The following DPP10 variants were observed in gnomAD, a reference collection of about 807,000 sequenced individuals.
DPP10 encodes inactive dipeptidyl peptidase 10.
A neutral mutation model predicts 120.9 loss-of-function variants in DPP10; 33 were observed. That is an observed-to-expected ratio of 0.27 (90% confidence interval 0.21 to 0.37). The LOEUF is 0.37. Among genes scored for constraint, DPP10 ranks in the 10% least tolerant of loss-of-function variants. The pLI, the probability that DPP10 is intolerant of heterozygous loss-of-function variation, is 1.00. For synonymous variants in DPP10, 337 were observed against 326.1 expected (o/e 1.03, Z -0.36); for missense variants, 816 against 942.8 (o/e 0.87, Z 1.76).
intron 1 of DPP10, among the ~76,000 whole-genome samples, chr2:114,508,191 C>T (rs766961904): frequency 1.1e-4 from 17 of 152,150 alleles, no homozygotes; most frequent in Non-Finnish European, 2.1e-4. Context: ...AACGTCCTTA[C>T]ACTGAAGCTA....
intron 1 of DPP10, among the ~76,000 whole-genome samples, chr2:114,986,920 C>CA (rs1414330100): frequency 1.3e-5 from 2 of 152,008 alleles, no homozygotes; most frequent in African/African-American, 4.8e-5. Flanking sequence ...TACAGGCACA[C>CA]ACCACCATGA....
At chr2:115,068,100 T>C (rs1288224058) in intron 1 of DPP10, among the ~76,000 whole-genome samples, 1 of 152,106 alleles carries the variant, frequency 6.6e-6, no homozygotes. Flanking sequence ...TTGGGATTGC[T>C]GGATTATATG....
At chr2:115,512,230 A>G (rs975832320) in intron 4 of DPP10, among the ~76,000 whole-genome samples, 13 of 151,972 alleles carry the variant, frequency 8.6e-5, no homozygotes, top group African/African-American at 3.1e-4. Context: ...CCTCCTGAGA[A>G]GCTGGGACTT....
At chr2:114,602,773 A>G (rs1039699717) in intron 1 of DPP10, among the ~76,000 whole-genome samples, 5 of 152,052 alleles carry the variant, frequency 3.3e-5, no homozygotes, top group South Asian at 2.1e-4. Flanking sequence ...ATAAGTCCCT[A>G]TGTGCCTGGG....
chr2:114,961,884 G>T (rs1698666196), intron 1 of DPP10, among the ~76,000 whole-genome samples: 1 of 152,070 alleles, frequency 6.6e-6, no homozygotes, highest in Non-Finnish European at 1.5e-5. Flanking sequence ...AACCCGGGAA[G>T]CAAAGGTTGC....
rs187861913 is a variant in DPP10 at position 115,557,065 on chromosome 2, C to T, written c.441+31093C>T. Among the ~76,000 whole-genome samples, 481 of 152,192 alleles carry T rather than the reference C, an allele frequency of 3.2e-3. 3 individuals are homozygous for T. The highest frequency in any genetic ancestry group is 0.011 in the African/African-American group (457 of 41,522). ...AATGAAATACAATAGTTTTGCATTG[C>T]GACTTAGAGGTACCCCATGTATTCC... On this transcript the variant is annotated intron_variant, in intron 5 of 25. Coordinates refer to ENST00000410059, the MANE Select transcript of DPP10 (RefSeq NM_020868.6).
intron 1 of DPP10, among the ~76,000 whole-genome samples, chr2:114,802,601 A>C (rs961991409): frequency 3.9e-5 from 6 of 152,208 alleles, no homozygotes; most frequent in African/African-American, 1.2e-4. Context: ...TCAATAATGA[A>C]AACGGACTGC....
chr2:115,492,108 A>G (rs2105353430), intron 3 of DPP10, among the ~76,000 whole-genome samples: 1 of 152,262 alleles, frequency 6.6e-6, no homozygotes, highest in African/African-American at 2.4e-5. Context: ...TATATGATCG[A>G]TGTGGTCAAA....
At chr2:114,467,737 C>T (rs1281222746) in intron 1 of DPP10, among the ~76,000 whole-genome samples, 3 of 152,250 alleles carry the variant, frequency 2.0e-5, no homozygotes, top group East Asian at 1.9e-4. Flanking sequence ...CGGCGGCTCA[C>T]GCTTGTAATC....
At chr2:115,575,791 A>G (rs993327979) in intron 5 of DPP10, among the ~76,000 whole-genome samples, 1 of 152,220 alleles carries the variant, frequency 6.6e-6, no homozygotes, top group Non-Finnish European at 1.5e-5. Context: ...ATGTAATCAT[A>G]TGGACCCTTA....
At chr2:115,293,049 G>A (rs569765116) in intron 1 of DPP10, among the ~76,000 whole-genome samples, 41 of 152,186 alleles carry the variant, frequency 2.7e-4, no homozygotes, top group African/African-American at 9.4e-4. Context: ...ATGTTTATAA[G>A]CACATTAAAT....
At chr2:115,328,683 T>G (rs1164257229) in intron 2 of DPP10, among the ~76,000 whole-genome samples, 1 of 152,088 alleles carries the variant, frequency 6.6e-6, no homozygotes, top group Non-Finnish European at 1.5e-5. Flanking sequence ...GAATCAAACA[T>G]GCCAAAGCAG....
intron 3 of DPP10, among the ~76,000 whole-genome samples, chr2:115,402,850 A>ATATAT (rs1553584327): frequency 5.2e-5 from 3 of 57,998 alleles, no homozygotes; most frequent in Non-Finnish European, 7.7e-5. Context: ...AGGAAAAAAA[A>ATATAT]AAAAATATAT....
At chr2:114,522,508 A>T (rs1165083608) in intron 1 of DPP10, among the ~76,000 whole-genome samples, 1 of 152,110 alleles carries the variant, frequency 6.6e-6, no homozygotes, top group Non-Finnish European at 1.5e-5. Flanking sequence ...CTAAAAAAAC[A>T]CTCTGGGAAT....
At chr2:115,054,284 C>A (rs1209305826) in intron 1 of DPP10, among the ~76,000 whole-genome samples, 1 of 152,098 alleles carries the variant, frequency 6.6e-6, no homozygotes, top group Non-Finnish European at 1.5e-5. Flanking sequence ...GAGAGGAGGT[C>A]CACTTTCATA....
At chr2:114,538,830 G>C (rs1686721981) in intron 1 of DPP10, among the ~76,000 whole-genome samples, 1 of 152,180 alleles carries the variant, frequency 6.6e-6, no homozygotes, top group African/African-American at 2.4e-5. Flanking sequence ...GTGCACCCGA[G>C]AGCACACATC....
At chr2:115,804,873 G>A (rs770512248) in intron 19 of DPP10, among the ~76,000 whole-genome samples, 2 of 152,194 alleles carry the variant, frequency 1.3e-5, no homozygotes, top group South Asian at 2.1e-4. Flanking sequence ...GGCTACTCGG[G>A]GGTCAGGGAC....
chr2:115,603,507 C>G (rs1344425245), intron 5 of DPP10, among the ~76,000 whole-genome samples: 1 of 150,292 alleles, frequency 6.7e-6, no homozygotes, highest in Non-Finnish European at 1.5e-5. Flanking sequence ...TTGGGCATAA[C>G]AGAGCTGGGC....
chr2:114,864,488 C>T (rs1201770444), intron 1 of DPP10, among the ~76,000 whole-genome samples: 1 of 152,152 alleles, frequency 6.6e-6, no homozygotes, highest in East Asian at 1.9e-4. Flanking sequence ...AAGCTCTTAC[C>T]AGCCCACTGA....
Sources: gnomAD v4.1 joint callset for allele counts (sites outside exome capture counted in the v4.1 genomes callset) on GRCh38, gnomAD v4.1.1 for gene constraint, MANE v1.5 for transcripts, NCBI Gene and HGNC (gene_info 2026-07-23, HGNC 2026-07-21) for gene names.